SH3RF3: variants seen among roughly 807,000 people sequenced by gnomAD.
The protein encoded by SH3RF3 is E3 ubiquitin-protein ligase SH3RF3.
Under a neutral mutation model 66.3 loss-of-function variants are expected in SH3RF3, and 29 were observed. The observed-to-expected ratio is 0.44, with a 90% CI of 0.33 to 0.60. The LOEUF is 0.60. Among genes scored for constraint, SH3RF3 ranks in the 20% least tolerant of loss-of-function variants. The pLI is 0.04. For missense variants in SH3RF3, 1,194 were observed against 1,190.9 expected (o/e 1.00, Z -0.04); for synonymous variants, 583 against 532.0 (o/e 1.10, Z -1.32).
chr2:109,420,671 T>G (rs1293293836), intron 5 of SH3RF3, among the ~76,000 whole-genome samples: 2 of 152,162 alleles, frequency 1.3e-5, no homozygotes, highest in Non-Finnish European at 2.9e-5. Flanking sequence ...GGTCTCGATC[T>G]CCTGATCTCG....
intron 3 of SH3RF3, among the ~76,000 whole-genome samples, chr2:109,372,976 C>A (rs922168270): frequency 6.6e-5 from 10 of 152,206 alleles, no homozygotes; most frequent in African/African-American, 2.4e-4. Flanking sequence ...AAGCCCTTTG[C>A]AGTTAGTCCA....
intron 3 of SH3RF3, among the ~76,000 whole-genome samples, chr2:109,387,708 A>G (rs1010811748): frequency 2.0e-5 from 3 of 152,174 alleles, no homozygotes; most frequent in Non-Finnish European, 4.4e-5. Flanking sequence ...AACGTCCTCT[A>G]TGTAATGAAA....
chr2:109,419,426 C>CCAGGCAGCTGGCGAAGCA, intron 4 of SH3RF3, 113 bp from the exon 5 acceptor site: 1 of 1,137,786 alleles, frequency 8.8e-7, no homozygotes, highest in Non-Finnish European at 1.3e-6. Flanking sequence ...GGCCAAACAG[C>CCAGGCAGCTGGCGAAGCA]CAGGCAGCTG....
At chr2:109,231,996 TG>T (rs1679525089) in intron 1 of SH3RF3, among the ~76,000 whole-genome samples, 1 of 152,232 alleles carries the variant, frequency 6.6e-6, no homozygotes. Flanking sequence ...TTAGTACTGA[TG>T]TGTATGAATC....
At chr2:109,363,157 C>A (rs913920383) in intron 2 of SH3RF3, among the ~76,000 whole-genome samples, 6 of 151,740 alleles carry the variant, frequency 4.0e-5, no homozygotes, top group Non-Finnish European at 5.9e-5. Flanking sequence ...CACTCTTTTT[C>A]GGTCTTTTGT....
chr2:109,425,882 C>T (rs998373446), intron 5 of SH3RF3, among the ~76,000 whole-genome samples: 1 of 152,018 alleles, frequency 6.6e-6, no homozygotes, highest in Non-Finnish European at 1.5e-5. Flanking sequence ...AAAAGTACAT[C>T]TTTTTCTTTC....
chr2:109,443,876 GTA>G (rs1169993173), intron 7 of SH3RF3, among the ~76,000 whole-genome samples: 4 of 152,186 alleles, frequency 2.6e-5, no homozygotes, highest in African/African-American at 4.8e-5. Flanking sequence ...TAGAACAACA[GTA>G]TAATCAACTT....
chr2:109,241,911 G>C (rs976161581), intron 1 of SH3RF3, among the ~76,000 whole-genome samples: 7 of 151,810 alleles, frequency 4.6e-5, no homozygotes, highest in Admixed American at 1.3e-4. Context: ...GACTACAGGG[G>C]CCCACCACCT....
intron 5 of SH3RF3, among the ~76,000 whole-genome samples, chr2:109,429,484 T>C (rs1413332154): frequency 6.6e-6 from 1 of 152,110 alleles, no homozygotes; most frequent in Non-Finnish European, 1.5e-5. Context: ...CCAAGTGCAC[T>C]AGTGCCCTGG....
chr2:109,471,659 G>A (rs1231689495), intron 8 of SH3RF3, among the ~76,000 whole-genome samples: 1 of 152,196 alleles, frequency 6.6e-6, no homozygotes, highest in Admixed American at 6.5e-5. Context: ...CAAGCCACCT[G>A]CTCCAGGACA....
At chr2:109,198,249 A>T (rs966624843) in intron 1 of SH3RF3, among the ~76,000 whole-genome samples, 1 of 152,200 alleles carries the variant, frequency 6.6e-6, no homozygotes, top group Non-Finnish European at 1.5e-5. Context: ...CCAGCCTGTG[A>T]TCTAAGCCCT....
chr2:109,321,991 C>G (rs990707686), intron 1 of SH3RF3, among the ~76,000 whole-genome samples: 23 of 152,238 alleles, frequency 1.5e-4, no homozygotes, highest in African/African-American at 5.1e-4. Context: ...AGTATGAAAG[C>G]AAATACCACA....
chr2:109,161,068 G>T (rs945143263), intron 1 of SH3RF3, among the ~76,000 whole-genome samples: 1 of 152,198 alleles, frequency 6.6e-6, no homozygotes, highest in Non-Finnish European at 1.5e-5. Flanking sequence ...GAGGGTGCTT[G>T]TGATCACAAG....
intron 1 of SH3RF3, among the ~76,000 whole-genome samples, chr2:109,284,894 C>T (rs1286325613): frequency 6.6e-6 from 1 of 152,222 alleles, no homozygotes; most frequent in Non-Finnish European, 1.5e-5. Flanking sequence ...TTTAAAAAAT[C>T]CACACTGGGC....
intron 7 of SH3RF3, among the ~76,000 whole-genome samples, chr2:109,442,617 T>A (rs1456812579): frequency 6.6e-6 from 1 of 152,182 alleles, no homozygotes; most frequent in Non-Finnish European, 1.5e-5. Context: ...GGTATACTAC[T>A]GTAACATTCT....
intron 6 of SH3RF3, among the ~76,000 whole-genome samples, chr2:109,436,289 G>A (rs1047156387): frequency 6.6e-6 from 1 of 152,206 alleles, no homozygotes; most frequent in Non-Finnish European, 1.5e-5. Flanking sequence ...AATACACAGA[G>A]GGAAAGCGTG....
chr2:109,253,280 A>G (rs895240393), intron 1 of SH3RF3, among the ~76,000 whole-genome samples: 4 of 152,154 alleles, frequency 2.6e-5, no homozygotes, highest in African/African-American at 4.8e-5. Context: ...CAGCCTCCCA[A>G]AGTGCTGGGA....
chr2:109,336,942 T>C (rs1306164328), intron 1 of SH3RF3, among the ~76,000 whole-genome samples: 3 of 152,142 alleles, frequency 2.0e-5, no homozygotes, highest in African/African-American at 7.2e-5. Context: ...CAGACCATCA[T>C]CCTCTGTGGG....
chr2:109,367,307 GTCTTGC>G lies in SH3RF3; in HGVS notation c.850-4272_850-4267del, dbSNP rs147060876. Among the ~76,000 whole-genome samples the G allele has an allele frequency of 9.8e-3, 1,466 of 150,356 alleles. 26 individuals carry two copies. Among genetic ancestry groups the G allele is most frequent in the African/African-American group, 0.034 (1,398 of 40,898 alleles). ...CTTTTTATTTTTATTTTTAGATGGA[GTCTTGC>G]TCTTGCCACCCAGGCTGGAGTGCAG... On this transcript the variant is annotated intron_variant, in intron 2 of 9. Coordinates refer to ENST00000309415, the MANE Select transcript of SH3RF3 (RefSeq NM_001099289.3).
Sources: allele counts gnomAD v4.1 joint callset (sites outside exome capture counted in the v4.1 genomes callset), GRCh38; gene constraint gnomAD v4.1.1; transcripts MANE v1.5; gene names NCBI Gene and HGNC (gene_info 2026-07-23, HGNC 2026-07-21).